Variants in PDE10A observed in about 807,000 individuals in gnomAD.
PDE10A encodes the protein phosphodiesterase 10A, also known as cAMP and cAMP-inhibited cGMP 3',5'-cyclic phosphodiesterase 10A.
In PDE10A, 39 loss-of-function variants were observed where a neutral mutation model predicts 97.7. The ratio of observed to expected loss-of-function variants is 0.40; its 90% confidence interval spans 0.31 to 0.52. The LOEUF (loss-of-function observed/expected upper bound fraction) is 0.52. Among genes scored for constraint, PDE10A ranks in the 20% least tolerant of loss-of-function variants. The pLI is 0.56. For missense variants in PDE10A, 731 were observed against 1,047.8 expected (o/e 0.70, Z 4.17); for synonymous variants, 371 against 376.8 (o/e 0.98, Z 0.18).
In PDE10A at chr6:165,434,856, C is replaced by T. The variant is rs531151826; in HGVS notation, c.1335+381G>A. ...GTCCTTAGATTCATAAGAAATCACA[C>T]GTGGCTACTGTATGATACCAGTAAA... is the stretch of plus-strand genomic sequence containing the variant. On this transcript the variant is annotated intron_variant, in intron 6 of 21. Coordinates refer to ENST00000539869, the MANE Select transcript of PDE10A (RefSeq NM_001385079.1). Among the ~76,000 whole-genome samples, 4 of 152,304 alleles carry T rather than the reference C, an allele frequency of 2.6e-5. No homozygotes were observed. In the East Asian group the frequency reaches 5.8e-4, roughly 22 times the overall value.
Position 165,336,201 on chromosome 6 carries a change from T to C in PDE10A, c.2987A>G (p.Tyr996Cys). The change falls in exon 21 of 22, where the codon TAC becomes TGC. Residue 996 changes from tyrosine (Y) to cysteine (C), a missense_variant. Coordinates refer to ENST00000539869, the MANE Select transcript of PDE10A (RefSeq NM_001385079.1). ...ATAGCAGGGAATGGCCACGGCATTGTAGAACCCAAGCTGCCTCCATGCAAA... is the reference window on the plus strand; with the variant it reads ...ATAGCAGGGAATGGCCACGGCATTGCAGAACCCAAGCTGCCTCCATGCAAA... ...DEVPQGQLGF[Y>C]NAVAIPCYTT... is the part of the protein sequence containing the mutation. 2 of 1,613,816 alleles carry C rather than the reference T, an allele frequency of 1.2e-6. No homozygotes were observed. Among genetic ancestry groups the C allele is most frequent in the East Asian group, 2.2e-5 (1 of 44,880 alleles).
At chr6:165,810,540 G>A (rs909370024) in intron 1 of PDE10A, among the ~76,000 whole-genome samples, 1 of 152,038 alleles carries the variant, frequency 6.6e-6, no homozygotes, top group South Asian at 2.1e-4. Context: ...ATAGACCTAC[G>A]CCATGTGCCA....
At chr6:165,380,298 A>T (rs1202166370) in intron 17 of PDE10A, among the ~76,000 whole-genome samples, 1 of 152,168 alleles carries the variant, frequency 6.6e-6, no homozygotes, top group Non-Finnish European at 1.5e-5. Flanking sequence ...CACTTTTCTT[A>T]ATATACATTT....
intron 1 of PDE10A, among the ~76,000 whole-genome samples, chr6:165,564,109 C>T (rs1329779669): frequency 6.6e-6 from 1 of 152,150 alleles, no homozygotes; most frequent in Non-Finnish European, 1.5e-5. Context: ...AATTTCTCTT[C>T]CCCTAAAATC....
chr6:165,335,248 GA>G (rs1781578361), intron 21 of PDE10A, among the ~76,000 whole-genome samples: 1 of 152,052 alleles, frequency 6.6e-6, no homozygotes, highest in Non-Finnish European at 1.5e-5. Flanking sequence ...TCTGGAATGA[GA>G]AAAAGACTTA....
At chr6:165,555,919 A>T (rs1784228291) in intron 1 of PDE10A, among the ~76,000 whole-genome samples, 2 of 152,188 alleles carry the variant, frequency 1.3e-5, no homozygotes, top group South Asian at 4.1e-4. Context: ...TTTGAATTGC[A>T]CTGCTCCTAT....
At chr6:165,789,514 T>C (rs990811014) in intron 1 of PDE10A, among the ~76,000 whole-genome samples, 1 of 152,224 alleles carries the variant, frequency 6.6e-6, no homozygotes, top group Non-Finnish European at 1.5e-5. Flanking sequence ...TTTTATATAT[T>C]ATTTTATTCC....
intron 18 of PDE10A, among the ~76,000 whole-genome samples, chr6:165,360,935 T>C (rs900099301): frequency 6.6e-6 from 1 of 151,018 alleles, no homozygotes; most frequent in Non-Finnish European, 1.5e-5. Context: ...TACTGGGGGG[T>C]TCATTACTTA....
chr6:165,935,631 G>A (rs996587467), intron 1 of PDE10A, among the ~76,000 whole-genome samples: 6 of 152,194 alleles, frequency 3.9e-5, no homozygotes, highest in African/African-American at 7.2e-5. Context: ...AACAAAAGTA[G>A]GGTTCATGTG....
Position 165,702,869 on chromosome 6 carries a change from C to T in PDE10A, c.-614-159301G>A, listed in dbSNP as rs1356395636. The stretch of plus-strand genomic sequence containing the variant: ...ATGTGAGGCTCTGACGTTCCTAACA[C>T]ATGAGATGACTCTGGAAGCCAGGAC... On this transcript the variant is annotated intron_variant, in intron 1 of 19. Transcript: ENST00000366882. Among the ~76,000 whole-genome samples, 60 of 152,278 alleles carry T rather than the reference C, an allele frequency of 3.9e-4. No homozygotes were observed. The South Asian group carries it at 9.6e-3, about 24-fold the overall frequency.
intron 13 of PDE10A, among the ~76,000 whole-genome samples, chr6:165,401,014 CAGAA>C (rs1583200391): frequency 1.3e-5 from 2 of 152,148 alleles, no homozygotes; most frequent in East Asian, 3.9e-4. Context: ...TTTATAGTGA[CAGAA>C]AGCAAATCAA....
intron 1 of PDE10A, among the ~76,000 whole-genome samples, chr6:165,548,676 A>C (rs1262947817): frequency 6.6e-6 from 1 of 152,164 alleles, no homozygotes; most frequent in Non-Finnish European, 1.5e-5. Flanking sequence ...CTCTTGAGTG[A>C]CTAATTCAGT....
intron 1 of PDE10A, among the ~76,000 whole-genome samples, chr6:165,744,497 G>A (rs1159840611): frequency 6.6e-6 from 1 of 152,062 alleles, no homozygotes; most frequent in Non-Finnish European, 1.5e-5. Context: ...ATCTCTTTGA[G>A]ATAAGTGGCC....
chr6:165,439,684 A>G (rs1453434165), intron 5 of PDE10A, among the ~76,000 whole-genome samples: 2 of 152,236 alleles, frequency 1.3e-5, no homozygotes, highest in Non-Finnish European at 2.9e-5. Flanking sequence ...GCAAATTTTT[A>G]TATCTATTTC....
At chr6:165,516,535 T>C (rs1199290338) in intron 2 of PDE10A, among the ~76,000 whole-genome samples, 1 of 152,190 alleles carries the variant, frequency 6.6e-6, no homozygotes, top group Non-Finnish European at 1.5e-5. Context: ...TAGCGGTATT[T>C]GCCTAACAGA....
intron 1 of PDE10A, among the ~76,000 whole-genome samples, chr6:165,895,410 C>T (rs1477084215): frequency 6.6e-6 from 1 of 152,186 alleles, no homozygotes; most frequent in African/African-American, 2.4e-5. Flanking sequence ...CCACCAGAAG[C>T]TGGGAGAGGT....
intron 1 of PDE10A, among the ~76,000 whole-genome samples, chr6:165,698,109 C>G (rs956191495): frequency 6.6e-6 from 1 of 152,140 alleles, no homozygotes; most frequent in Non-Finnish European, 1.5e-5. Context: ...ATTATTAAAA[C>G]AAATAAACAA....
At chr6:165,564,537 G>A (rs1784682467) in intron 1 of PDE10A, among the ~76,000 whole-genome samples, 1 of 152,142 alleles carries the variant, frequency 6.6e-6, no homozygotes, top group African/African-American at 2.4e-5. Context: ...ACCTGCCCCG[G>A]TATATTCTAA....
rs35358593 is a variant in PDE10A at position 165,639,738 on chromosome 6, CAA to C, written c.865+22207_865+22208del. 2.9e-3 allele frequency among the ~76,000 whole-genome samples: 294 copies of C among 102,542 alleles called. 2 individuals are homozygous for C. The highest frequency in any genetic ancestry group is 0.012 in the Middle Eastern group (2 of 168). 67.3% of individuals were successfully genotyped at this position (102,542 alleles called of 152,430 possible). On this transcript the variant is annotated intron_variant, in intron 1 of 21. Coordinates refer to ENST00000539869, the MANE Select transcript of PDE10A (RefSeq NM_001385079.1). The stretch of plus-strand genomic sequence containing the variant: ...TAGGCAACAGAGCAAGACTCTGTCC[CAA>C]AAAAAAAAAAAAAAAAAAGAGAGAG...
Sources: gnomAD v4.1 joint callset for allele counts (sites outside exome capture counted in the v4.1 genomes callset) on GRCh38, gnomAD v4.1.1 for gene constraint, MANE v1.5 for transcripts, NCBI Gene and HGNC (gene_info 2026-07-23, HGNC 2026-07-21) for gene names.